Variants in CEP135 observed in about 807,000 individuals in gnomAD.
CEP135 encodes centrosomal protein 135.
CEP135 carries 142 observed loss-of-function variants against 157.3 expected under a neutral mutation model. The ratio of observed to expected loss-of-function variants is 0.90; its 90% confidence interval spans 0.79 to 1.04. The LOEUF (loss-of-function observed/expected upper bound fraction) is 1.04. Ranked by LOEUF, CEP135 falls within the 50% of genes least tolerant of loss-of-function variation. The pLI is 0.00. For synonymous variants in CEP135, 396 were observed against 439.8 expected, an observed-to-expected ratio of 0.90 and a Z score of 1.25; for missense variants, 1,317 against 1,309.2, an observed-to-expected ratio of 1.01 and a Z score of -0.09.
chr4:55,959,593 A>G, intron 5 of CEP135, 89 bp from the exon 6 acceptor site: 2 of 1,113,206 alleles, frequency 1.8e-6, no homozygotes, highest in South Asian at 2.7e-5. Context: ...CTGAAAGTAT[A>G]GAATTTATGA....
chr4:55,988,238 A>C (rs1415045451), intron 14 of CEP135, among the ~76,000 whole-genome samples: 1 of 149,984 alleles, frequency 6.7e-6, no homozygotes, highest in Non-Finnish European at 1.5e-5. Context: ...GCGGGGGGTG[A>C]GGGGGAAGAA....
rs1286302829 is a variant in CEP135, at chr4:55,952,201, C to G, written c.71C>G (p.Thr24Ser). The stretch of plus-strand genomic sequence containing the variant: ...CTGGATCAGCTGGGATACCGCCAGA[C>G]TCTGACAGTGGAGTGTTTACCTTTG... ...KRLDQLGYRQTLTVECLPLVE... is the reference protein window; with the variant it reads ...KRLDQLGYRQSLTVECLPLVE... The change falls in exon 2 of 26, where the codon ACT (threonine) becomes AGT (serine). Residue 24 changes from threonine to serine, a missense_variant. By Grantham distance (58) the Thr-to-Ser change is moderately conservative. Coordinates refer to ENST00000257287, the MANE Select transcript of CEP135 (RefSeq NM_025009.5). 3 of 1,613,114 alleles carry G rather than the reference C, an allele frequency of 1.9e-6. No homozygotes were observed. In the South Asian group the frequency reaches 3.3e-5, roughly 18 times the overall value.
intron 15 of CEP135, among the ~76,000 whole-genome samples, chr4:55,996,970 A>T (rs1729991554): frequency 6.6e-6 from 1 of 152,192 alleles, no homozygotes. Context: ...CTACCCAGTC[A>T]CATCTGCTAA....
At chr4:55,965,617 A>G (rs1728816629) in intron 7 of CEP135, 27 bp from the exon 8 acceptor site, 1 of 1,505,200 alleles carries the variant, frequency 6.6e-7, no homozygotes, top group African/African-American at 1.4e-5. Context: ...CAATTCATAT[A>G]CCTCATAAAT....
At chr4:56,007,789 C>T (rs1730406890) in intron 17 of CEP135, among the ~76,000 whole-genome samples, 1 of 152,142 alleles carries the variant, frequency 6.6e-6, no homozygotes, top group Admixed American at 6.5e-5. Flanking sequence ...GATTCTGTCA[C>T]TGTCTGCTCA....
rs1728380325 is a variant in CEP135 at position 55,952,251 on chromosome 4, C to T, written c.113+8C>T. On this transcript the variant is annotated splice_region_variant and intron_variant, in intron 2 of 25. Coordinates refer to ENST00000257287, the MANE Select transcript of CEP135 (RefSeq NM_025009.5). Reference sequence around the variant, plus strand: ...GGTAGAAAAACTTTTCAGGTAAAGACAAAAATACAGTTTTCAACCTTTATG... The same window carrying T: ...GGTAGAAAAACTTTTCAGGTAAAGATAAAAATACAGTTTTCAACCTTTATG... 6.6e-7 allele frequency: 1 copy of T among 1,514,748 alleles called. No homozygotes were observed. The highest frequency in any genetic ancestry group is 9.2e-7 in the Non-Finnish European group (1 of 1,090,146). 93.8% of individuals were successfully genotyped at this position (1,514,748 alleles called of 1,614,324 possible).
At chr4:55,983,864 C>T (rs184245575) in intron 13 of CEP135, among the ~76,000 whole-genome samples, 55 of 152,150 alleles carry the variant, frequency 3.6e-4, no homozygotes, top group African/African-American at 1.2e-3. Context: ...ATGATGTCTC[C>T]GAGTTACAGT....
rs373708371 is a variant in CEP135, at chr4:56,009,361, A to G, written c.2337-374A>G. Among the ~76,000 whole-genome samples the G allele has an allele frequency of 1.7e-3, 251 of 151,798 alleles. 2 individuals carry two copies. Among genetic ancestry groups the G allele is most frequent in the African/African-American group, 6.0e-3 (249 of 41,430 alleles). ...GTATTTTTAGTAGAGACGGGGTTTC[A>G]CCGTGTTAGCCAGGATGGTCTCTAT... On this transcript the variant is annotated intron_variant, in intron 18 of 25. Coordinates refer to ENST00000257287, the MANE Select transcript of CEP135 (RefSeq NM_025009.5).
At chr4:56,029,455 A>G (rs141358752) in intron 25 of CEP135, among the ~76,000 whole-genome samples, 14 of 152,294 alleles carry the variant, frequency 9.2e-5, no homozygotes, top group South Asian at 4.1e-4. Context: ...TAGCTTGCAA[A>G]AGACAAAATT....
rs1468060880 is a variant in CEP135, at chr4:55,959,735, T to A, written c.668T>A (p.Met223Lys). Residue 223 changes from methionine to lysine, a missense_variant, in exon 6 of 26, where the codon ATG becomes AAG. Met to Lys is a moderately conservative substitution (Grantham distance 95). Coordinates refer to ENST00000257287, the MANE Select transcript of CEP135 (RefSeq NM_025009.5). ...VHQLQEKLAMMESGVRDYSKQ... is the reference protein window; with the variant it reads ...VHQLQEKLAMKESGVRDYSKQ... ...CAGCTACAAGAAAAGTTAGCAATGATGGAAAGTGGGGTGAGAGACTATAGC... is the reference window on the plus strand; with the variant it reads ...CAGCTACAAGAAAAGTTAGCAATGAAGGAAAGTGGGGTGAGAGACTATAGC... 3 of 1,614,090 alleles carry A rather than the reference T, an allele frequency of 1.9e-6. No homozygotes were observed. In the South Asian group the frequency reaches 3.3e-5, roughly 18 times the overall value.
chr4:55,952,618 G>T (rs1033840730), intron 2 of CEP135: 1 of 176,192 alleles, frequency 5.7e-6, no homozygotes, highest in African/African-American at 2.4e-5. Context: ...ACAGGGATAC[G>T]TTCTGAGAAA....
intron 4 of CEP135, among the ~76,000 whole-genome samples, chr4:55,956,192 T>C (rs1434130068): frequency 6.6e-6 from 1 of 150,588 alleles, no homozygotes; most frequent in Middle Eastern, 3.4e-3. Flanking sequence ...AAACTCCTTT[T>C]GTATACTCCT....
chr4:56,010,177 C>G (rs1282578887), intron 19 of CEP135, among the ~76,000 whole-genome samples: 1 of 21,722 alleles, frequency 4.6e-5, no homozygotes, highest in Non-Finnish European at 7.4e-5. Context: ...TTGTGAAAAC[C>G]CCCCCCCCAC....
chr4:55,953,207 G>T lies in CEP135; in HGVS notation c.236G>T (p.Ser79Ile). 6.2e-7 allele frequency: 1 copy of T among 1,600,874 alleles called. No individual in the cohort carries two copies. The highest frequency in any genetic ancestry group is 8.5e-7 in the Non-Finnish European group (1 of 1,176,060). Reference protein sequence around the residue: ...EPYKLENARLSRENNELYLEL... With the variant: ...EPYKLENARLIRENNELYLEL... The stretch of plus-strand genomic sequence containing the variant: ...TATAAACTTGAAAATGCAAGATTGA[G>T]TAGAGAAAATAATGAATTATACCTA... Residue 79 changes from serine (S) to isoleucine (I), a missense_variant, in exon 3 of 26, where the codon AGT (serine) becomes ATT (isoleucine). By Grantham distance (142) the Ser-to-Ile change is moderately radical (BLOSUM62 -2). Transcript: ENST00000257287.
chr4:56,002,265 A>G (rs962780476), intron 17 of CEP135, among the ~76,000 whole-genome samples: 2 of 151,676 alleles, frequency 1.3e-5, no homozygotes, highest in Non-Finnish European at 2.9e-5. Context: ...TCTGGCCAGG[A>G]CTTCCAGGAT....
intron 20 of CEP135, 54 bp downstream of exon 20, chr4:56,011,576 CT>C: frequency 9.1e-7 from 1 of 1,096,100 alleles, no homozygotes; most frequent in Non-Finnish European, 1.3e-6. Context: ...TTTTTTTTAA[CT>C]TTTTCATGTG....
intron 6 of CEP135, among the ~76,000 whole-genome samples, chr4:55,962,525 C>G (rs2109652369): frequency 6.6e-6 from 1 of 152,278 alleles, no homozygotes; most frequent in Admixed American, 6.5e-5. Flanking sequence ...CTGCTCACTC[C>G]TTAACCTATT....
chr4:56,011,048 T>G (rs549182420), intron 19 of CEP135, among the ~76,000 whole-genome samples: 9 of 151,752 alleles, frequency 5.9e-5, no homozygotes, highest in African/African-American at 2.2e-4. Context: ...AGGCTGGACA[T>G]CATAGTGAGA....
chr4:55,957,576 T>G (rs1728547421), intron 5 of CEP135, among the ~76,000 whole-genome samples: 1 of 152,218 alleles, frequency 6.6e-6, no homozygotes. Context: ...TATCTAAGGT[T>G]TCTGTTCATA....
Sources: allele counts gnomAD v4.1 joint callset (sites outside exome capture counted in the v4.1 genomes callset), GRCh38; gene constraint gnomAD v4.1.1; transcripts MANE v1.5; gene names NCBI Gene and HGNC (gene_info 2026-07-23, HGNC 2026-07-21).